The following KDM3B variants were observed in gnomAD, a reference collection of about 807,000 sequenced individuals.
The protein encoded by KDM3B is lysine-specific demethylase 3B.
KDM3B carries 10 observed loss-of-function variants against 170.0 expected under a neutral mutation model. The observed-to-expected ratio is 0.06, with a 90% CI of 0.04 to 0.10. The LOEUF (loss-of-function observed/expected upper bound fraction) is 0.10. KDM3B is among the 10% of genes least tolerant of loss of function. The pLI is 1.00. For missense variants in KDM3B, 1,394 were observed against 2,195.2 expected (o/e 0.64, Z 7.29); for synonymous variants, 831 against 834.8 (o/e 1.00, Z 0.08).
intron 2 of KDM3B, chr5:138,374,416 T>C (rs756681603): frequency 5.3e-5 from 16 of 302,856 alleles, no homozygotes; most frequent in Non-Finnish European, 1.0e-4. Flanking sequence ...CCACCACCAC[T>C]CCCGGCTTAT....
chr5:138,427,938 C>T (rs1229639577), intron 19 of KDM3B, 29 bp from the exon 20 acceptor site: 1 of 1,606,890 alleles, frequency 6.2e-7, no homozygotes, highest in East Asian at 2.2e-5. Flanking sequence ...ATTGGCCCTT[C>T]ACCTTGCATA....
At chr5:138,369,482 A>G (rs1761822297) in intron 1 of KDM3B, among the ~76,000 whole-genome samples, 1 of 152,112 alleles carries the variant, frequency 6.6e-6, no homozygotes, top group Non-Finnish European at 1.5e-5. Flanking sequence ...GTATACACAC[A>G]CAAAAAACCT....
At chr5:138,378,700 T>G (rs965163349) in intron 4 of KDM3B, among the ~76,000 whole-genome samples, 6 of 151,626 alleles carry the variant, frequency 4.0e-5, no homozygotes, top group Non-Finnish European at 4.4e-5. Flanking sequence ...CAAGGAAAGA[T>G]ACGGCAGAAG....
intron 7 of KDM3B, among the ~76,000 whole-genome samples, chr5:138,387,788 C>T (rs1214320750): frequency 6.6e-6 from 1 of 152,142 alleles, no homozygotes; most frequent in African/African-American, 2.4e-5. Context: ...TATTTAAAAA[C>T]AACTCCATGT....
intron 1 of KDM3B, among the ~76,000 whole-genome samples, chr5:138,365,673 T>G (rs1309795208): frequency 6.6e-6 from 1 of 151,920 alleles, no homozygotes; most frequent in Non-Finnish European, 1.5e-5. Context: ...CAAAAGTAAT[T>G]CTTTCCTCTT....
chr5:138,413,389 A>G (rs1258306100), intron 11 of KDM3B, among the ~76,000 whole-genome samples: 1 of 152,094 alleles, frequency 6.6e-6, no homozygotes, highest in East Asian at 1.9e-4. Context: ...TCTCAAAAAA[A>G]AAAAAAGAAA....
intron 1 of KDM3B, among the ~76,000 whole-genome samples, chr5:138,363,766 T>G (rs978015065): frequency 6.6e-6 from 1 of 152,190 alleles, no homozygotes; most frequent in Non-Finnish European, 1.5e-5. Flanking sequence ...CAGGATGGCC[T>G]CGATCTCCTG....
chr5:138,407,658 T>C (rs972776243), intron 11 of KDM3B, among the ~76,000 whole-genome samples: 1 of 152,090 alleles, frequency 6.6e-6, no homozygotes, highest in Admixed American at 6.6e-5. Flanking sequence ...GGCAAACCAG[T>C]GTTACAACCC....
intron 13 of KDM3B, chr5:138,417,983 C>T (rs1580943190): frequency 6.3e-6 from 1 of 159,316 alleles, no homozygotes; most frequent in Non-Finnish European, 1.4e-5. Context: ...CTGGATTCAT[C>T]TCAGGTGCAG....
At position 138,379,725 on chromosome 5, in the gene KDM3B, T is replaced by C. The variant is rs1469891328; in HGVS notation, c.705+17T>C. On this transcript the variant is annotated intron_variant, in intron 5 of 23. Transcript: ENST00000314358. The stretch of plus-strand genomic sequence containing the variant: ...GTAACTGAGGTGAGACTCTGTGTTA[T>C]TCTGTCTAAGGTCCATCCATCCCCT... The C allele has an allele frequency of 2.5e-6, 4 of 1,610,958 alleles. No homozygotes were observed. The highest frequency in any genetic ancestry group is 3.4e-6 in the Non-Finnish European group (4 of 1,178,550).
At chr5:138,377,445 CAG>C (rs34622149) in intron 3 of KDM3B, among the ~76,000 whole-genome samples, 44,957 of 151,934 alleles carry the variant, frequency 0.3, 7,417 homozygotes, top group East Asian at 0.57. Context: ...TCACAAGAGA[CAG>C]GGTCTTGTTC....
At chr5:138,362,916 A>G (rs1425504857) in intron 1 of KDM3B, among the ~76,000 whole-genome samples, 2 of 150,142 alleles carry the variant, frequency 1.3e-5, no homozygotes, top group East Asian at 1.9e-4. Flanking sequence ...ATAATTTTAT[A>G]TGATAATTAT....
intron 6 of KDM3B, among the ~76,000 whole-genome samples, chr5:138,385,695 C>G (rs1338971689): frequency 6.6e-6 from 1 of 152,192 alleles, no homozygotes; most frequent in Non-Finnish European, 1.5e-5. Context: ...GAGCTCCCAC[C>G]CTAGCTTTAG....
intron 11 of KDM3B, among the ~76,000 whole-genome samples, chr5:138,409,815 G>T (rs924761592): frequency 2.0e-5 from 3 of 152,176 alleles, no homozygotes; most frequent in African/African-American, 7.2e-5. Flanking sequence ...CGAGCGCCGT[G>T]GCTAACTCAC....
At chr5:138,358,791 TATTTTTTTA>T (rs1317299286) in intron 1 of KDM3B, among the ~76,000 whole-genome samples, 2 of 123,920 alleles carry the variant, frequency 1.6e-5, no homozygotes, top group Non-Finnish European at 3.4e-5. Flanking sequence ...TTTTTATTTT[TATTTTTTTA>T]TTATTATTAT....
chr5:138,430,500 A>G, intron 22 of KDM3B, 75 bp downstream of exon 22: 2 of 1,316,158 alleles, frequency 1.5e-6, no homozygotes, highest in South Asian at 1.3e-5. Context: ...CTAATCTACC[A>G]AGAGATTTAA....
chr5:138,398,825 A>G (rs1192317110), intron 10 of KDM3B, among the ~76,000 whole-genome samples: 1 of 152,048 alleles, frequency 6.6e-6, no homozygotes, highest in Non-Finnish European at 1.5e-5. Context: ...CATGTCTGTA[A>G]GATACTATGC....
intron 13 of KDM3B, among the ~76,000 whole-genome samples, chr5:138,418,593 A>G (rs1299033816): frequency 6.6e-6 from 1 of 152,220 alleles, no homozygotes; most frequent in Non-Finnish European, 1.5e-5. Flanking sequence ...TTTATTTAGC[A>G]TTTATCTGTG....
chr5:138,360,992 T>G (rs1424829188), intron 1 of KDM3B, among the ~76,000 whole-genome samples: 1 of 152,154 alleles, frequency 6.6e-6, no homozygotes, highest in Non-Finnish European at 1.5e-5. Flanking sequence ...GGGTCTCTTC[T>G]CCAACTTGTA....
Sources: allele counts gnomAD v4.1 joint callset (sites outside exome capture counted in the v4.1 genomes callset), GRCh38; gene constraint gnomAD v4.1.1; transcripts MANE v1.5; gene names NCBI Gene and HGNC (gene_info 2026-07-23, HGNC 2026-07-21).